Variants in APH1A observed in about 807,000 individuals in gnomAD.
The protein encoded by APH1A is aph-1A gamma-secretase subunit.
A neutral mutation model predicts 30.3 loss-of-function variants in APH1A; 16 were observed. The ratio of observed to expected loss-of-function variants is 0.53; its 90% CI spans 0.36 to 0.80. The LOEUF is 0.80. Ranked by LOEUF, APH1A falls within the 30% of genes least tolerant of loss-of-function variation. The pLI is 0.01. For missense variants in APH1A, 245 were observed against 337.8 expected (o/e 0.73, Z 2.15); for synonymous variants, 144 against 140.1 (o/e 1.03, Z -0.20).
intron 1 of APH1A, chr1:150,268,329 TAA>T (rs782040095): frequency 1.4e-4 from 94 of 652,546 alleles, no homozygotes; most frequent in Non-Finnish European, 2.1e-4. Context: ...GAAATCTAAT[TAA>T]AGAGTCTTCA....
intron 6 of APH1A, 79 bp downstream of exon 6, chr1:150,266,454 C>A: frequency 6.3e-7 from 1 of 1,597,196 alleles, no homozygotes; most frequent in Admixed American, 1.7e-5. Flanking sequence ...TGGACCCGGG[C>A]TGGGGCTGGG....
intron 2 of APH1A, 55 bp downstream of exon 2, chr1:150,267,902 T>C: frequency 6.2e-7 from 1 of 1,612,536 alleles, no homozygotes; most frequent in Admixed American, 1.7e-5. Context: ...GCTGCCCCAC[T>C]TCCCATAGTG....
Position 150,268,853 on chromosome 1 carries a change from G to A in APH1A, c.-43C>T, listed in dbSNP as rs1008810831. On this transcript the variant is annotated 5_prime_UTR_variant, in exon 1 of 7. Transcript: ENST00000369109. Reference sequence around the variant, plus strand: ...GGGGGGTGGGGGCCTGACCAGGACAGGCAAATGGGAGGGGCGCGCCAGCTG... The same window carrying A: ...GGGGGGTGGGGGCCTGACCAGGACAAGCAAATGGGAGGGGCGCGCCAGCTG... 1 of 1,562,018 alleles carries A rather than the reference G, an allele frequency of 6.4e-7. No individual in the cohort carries two copies. The highest frequency in any genetic ancestry group is 1.1e-5 in the South Asian group (1 of 87,230).
At chr1:150,266,364 C>CT (rs782430874) in intron 6 of APH1A, 169 bp downstream of exon 6, 56 of 1,484,824 alleles carry the variant, frequency 3.8e-5, no homozygotes, top group Non-Finnish European at 4.9e-5. Context: ...AGCTTAGAGA[C>CT]TAACGGTCAC....
At position 150,266,080 on chromosome 1, in the gene APH1A, C is replaced by A; in HGVS notation, c.*50G>T. 6.5e-7 allele frequency: 1 copy of A among 1,549,862 alleles called. No homozygotes were observed. The highest frequency in any genetic ancestry group is 8.7e-7 in the Non-Finnish European group (1 of 1,145,428). Reference sequence around the variant, plus strand: ...GAACTGGAGATGGAGAAATACAGGGCGAGGACATCAGGAGGGCACCCCAGG... The same window carrying A: ...GAACTGGAGATGGAGAAATACAGGGAGAGGACATCAGGAGGGCACCCCAGG... On this transcript the variant is annotated 3_prime_UTR_variant, in exon 7 of 7. Coordinates refer to ENST00000369109, the MANE Select transcript of APH1A (RefSeq NM_001077628.3).
In APH1A at chr1:150,265,956, T is replaced by C. The variant is rs200432613; in HGVS notation, c.*174A>G. On this transcript the variant is annotated 3_prime_UTR_variant, in exon 7 of 7. Coordinates refer to ENST00000369109, the MANE Select transcript of APH1A (RefSeq NM_001077628.3). ...AAGATGTCCAGTCTTGAGGGAGTAC[T>C]GAGAAACTCAGAGCTCATCTATCCT... The C allele has an allele frequency of 2.2e-5, 17 of 765,338 alleles. No homozygotes were observed. The African/African-American group carries it at 3.0e-4, about 13-fold the overall frequency. 47.4% of individuals were successfully genotyped at this position (765,338 alleles called of 1,614,324 possible).
Position 150,265,851 on chromosome 1 carries a change from C to G in APH1A, c.*279G>C, listed in dbSNP as rs189623935. 45 of 394,848 alleles carry G rather than the reference C, an allele frequency of 1.1e-4. No individual in the cohort carries two copies. Among genetic ancestry groups the G allele is most frequent in the Non-Finnish European group, 1.7e-4 (37 of 217,276 alleles). 24.5% of individuals were successfully genotyped at this position (394,848 alleles called of 1,614,324 possible). Reference sequence around the variant, plus strand: ...TTCCAATATACCTCCTCCCTCCCCCCACCTCAAAAAAGAAAAAAAGGCAGT... The same window carrying G: ...TTCCAATATACCTCCTCCCTCCCCCGACCTCAAAAAAGAAAAAAAGGCAGT... On this transcript the variant is annotated 3_prime_UTR_variant, in exon 7 of 7. Coordinates refer to ENST00000369109, the MANE Select transcript of APH1A (RefSeq NM_001077628.3).
chr1:150,267,415 G>T lies in APH1A; in HGVS notation c.422C>A (p.Ala141Glu). 4.3e-6 allele frequency: 7 copies of T among 1,614,152 alleles called. No individual in the cohort carries two copies. Among genetic ancestry groups the T allele is most frequent in the Non-Finnish European group, 5.9e-6 (7 of 1,180,026 alleles). Reference sequence around the variant, plus strand: ...GATCCCAACCACACCTGGCCCAAGTGCATCAGCCAAAATATTGATAACAGA... The same window carrying T: ...GATCCCAACCACACCTGGCCCAAGTTCATCAGCCAAAATATTGATAACAGA... The part of the protein sequence containing the change: ...VFSVINILAD[A>E]LGPGVVGIHG... Residue 141 changes from alanine (A) to glutamate (E), a missense_variant, in exon 4 of 7, where the codon GCA becomes GAA. Transcript: ENST00000369109.
Position 150,268,829 on chromosome 1 carries a change from G to GT in APH1A, c.-20_-19insA. Reference sequence around the variant, plus strand: ...CCCCCATGGCTGGTCAGGTGGGAAGGGGGGTGGGGGCCTGACCAGGACAGG... The same window carrying GT: ...CCCCCATGGCTGGTCAGGTGGGAAGGTGGGGTGGGGGCCTGACCAGGACAGG... On this transcript the variant is annotated 5_prime_UTR_variant, in exon 1 of 7. Transcript: ENST00000369109. The GT allele has an allele frequency of 1.2e-5, 19 of 1,603,468 alleles. No individual in the cohort carries two copies. Among genetic ancestry groups the GT allele is most frequent in the Non-Finnish European group, 1.5e-5 (18 of 1,174,734 alleles).
chr1:150,267,523 G>A, intron 3 of APH1A, 45 bp from the exon 4 acceptor site: 3 of 1,609,422 alleles, frequency 1.9e-6, no homozygotes, highest in Middle Eastern at 1.7e-4. Context: ...TCACACTATT[G>A]CCTGTTCACC....
chr1:150,266,700 C>T (rs201686446), intron 5 of APH1A, 44 bp from the exon 6 acceptor site: 71 of 1,598,258 alleles, frequency 4.4e-5, no homozygotes, highest in Admixed American at 1.3e-4. Flanking sequence ...GATTCTCCCT[C>T]GACCTAATCC....
In APH1A at chr1:150,268,878, G is replaced by A. The variant is rs1651996873; in HGVS notation, c.-68C>T. On this transcript the variant is annotated 5_prime_UTR_variant, in exon 1 of 7. Transcript: ENST00000369109. ...GGCAAATGGGAGGGGCGCGCCAGCTGGGGAGTCCGCGTGGGGTGGCAACGC... is the reference window on the plus strand; with the variant it reads ...GGCAAATGGGAGGGGCGCGCCAGCTAGGGAGTCCGCGTGGGGTGGCAACGC... The A allele has an allele frequency of 2.1e-6, 3 of 1,435,962 alleles. No individual in the cohort carries two copies. The highest frequency in any genetic ancestry group is 2.8e-5 in the African/African-American group (2 of 70,854). The allele number at this position is 1,435,962 out of a possible 1,614,324, so 89.0% of individuals were successfully genotyped here. A position where few individuals can be genotyped will look rare whatever the true frequency, so the allele number is the denominator to read the frequency against.
rs181092416 is a variant in APH1A, at chr1:150,268,829, G to C, written c.-19C>G. The C allele has an allele frequency of 2.8e-3, 4,543 of 1,603,462 alleles. 97 individuals carry two copies. In the African/African-American group the frequency reaches 0.042, roughly 15 times the overall value. On this transcript the variant is annotated 5_prime_UTR_variant, in exon 1 of 7. Coordinates refer to ENST00000369109, the MANE Select transcript of APH1A (RefSeq NM_001077628.3). ...CCCCCATGGCTGGTCAGGTGGGAAG[G>C]GGGGTGGGGGCCTGACCAGGACAGG...
intron 6 of APH1A, 51 bp from the exon 7 acceptor site, chr1:150,266,245 GAC>G: frequency 1.3e-6 from 2 of 1,561,874 alleles, no homozygotes; most frequent in Non-Finnish European, 1.7e-6. Context: ...GCAGAGCACT[GAC>G]ACAGGGGGAG....
intron 5 of APH1A, 71 bp downstream of exon 5, chr1:150,267,004 A>G (rs868967358): frequency 1.9e-6 from 3 of 1,593,564 alleles, no homozygotes; most frequent in Non-Finnish European, 2.6e-6. Flanking sequence ...AAGTGAGGAT[A>G]CCCTTTCCCC....
Position 150,268,815 on chromosome 1 carries a change from G to A in APH1A, c.-5C>T, listed in dbSNP as rs757318043. 5 of 1,610,534 alleles carry A rather than the reference G, an allele frequency of 3.1e-6. No homozygotes were observed. The highest frequency in any genetic ancestry group is 4.2e-6 in the Non-Finnish European group (5 of 1,178,384). On this transcript the variant is annotated 5_prime_UTR_variant, in exon 1 of 7. Coordinates refer to ENST00000369109, the MANE Select transcript of APH1A (RefSeq NM_001077628.3). ...GAAAAACACCGCAGCCCCCATGGCT[G>A]GTCAGGTGGGAAGGGGGGTGGGGGC... is the stretch of plus-strand genomic sequence containing the variant.
At chr1:150,267,648 T>C in intron 3 of APH1A, 68 bp downstream of exon 3, 5 of 1,579,828 alleles carry the variant, frequency 3.2e-6, no homozygotes, top group African/African-American at 1.3e-5. Flanking sequence ...AACATGTGGA[T>C]ATTTAGAGAC....
chr1:150,267,321 T>A, intron 4 of APH1A, 35 bp downstream of exon 4: 1 of 1,613,554 alleles, frequency 6.2e-7, no homozygotes, highest in African/African-American at 1.3e-5. Context: ...CAAGGATGGA[T>A]GGGGGGTAAA....
At chr1:150,267,557 T>C in intron 3 of APH1A, 79 bp from the exon 4 acceptor site, 1 of 1,591,970 alleles carries the variant, frequency 6.3e-7, no homozygotes, top group Non-Finnish European at 8.6e-7. Context: ...CATTCCCGGT[T>C]ACAATTCTTT....
Sources: allele counts gnomAD v4.1 joint callset, GRCh38; gene constraint gnomAD v4.1.1; transcripts MANE v1.5; gene names NCBI Gene and HGNC (gene_info 2026-07-23, HGNC 2026-07-21).